Variants in AKAP14 observed in about 807,000 individuals in gnomAD.
The protein encoded by AKAP14 is A-kinase anchor protein 14.
In AKAP14, 4 loss-of-function variants were observed where a neutral mutation model predicts 17.0. The ratio of observed to expected loss-of-function variants is 0.23; its 90% CI spans 0.12 to 0.54. The LOEUF (loss-of-function observed/expected upper bound fraction) is 0.54, where lower values mean the gene tolerates loss of function less well. Ranked by LOEUF, AKAP14 falls within the 20% of genes least tolerant of loss-of-function variation. The pLI, the probability that AKAP14 is intolerant of heterozygous loss-of-function variation, is 0.95. For synonymous variants in AKAP14, 42 were observed against 51.3 expected (o/e 0.82, Z 0.77); for missense variants, 129 against 150.9 (o/e 0.85, Z 0.76).
intron 5 of AKAP14, among the ~76,000 whole-genome samples, chrX:119,916,502 T>C (rs1342767733): frequency 1.8e-5 from 2 of 108,973 alleles, no homozygotes; most frequent in Non-Finnish European, 3.8e-5. Context: ...TATATCTATC[T>C]ACTTATTGAG....
intron 2 of AKAP14, among the ~76,000 whole-genome samples, chrX:119,898,126 G>A (rs913296229): frequency 1.8e-5 from 2 of 111,681 alleles, no homozygotes; most frequent in East Asian, 2.8e-4. Flanking sequence ...TTGCGCCACC[G>A]CACTCCAGCC....
chrX:119,920,264 C>T (rs1192882417), intron 6 of AKAP14, among the ~76,000 whole-genome samples: 1 of 110,785 alleles, frequency 9.0e-6, no homozygotes, highest in Non-Finnish European at 1.9e-5. Context: ...TATAATAATC[C>T]CTTTTATAGC....
Position 119,903,233 on chromosome X carries a change from A to G in AKAP14, c.10A>G (p.Thr4Ala). ...CCCCAGGAAAAAGAAAATGAGTGAGACTCAAAATTCAACAAGCCAGAAAGC... is the reference window on the plus strand; with the variant it reads ...CCCCAGGAAAAAGAAAATGAGTGAGGCTCAAAATTCAACAAGCCAGAAAGC... MSE[T>A]QNSTSQKAMD... Residue 4 changes from threonine to alanine, a missense_variant, in exon 3 of 7, where the codon ACT becomes GCT. Thr to Ala is a moderately conservative substitution (Grantham distance 58, BLOSUM62 0). Coordinates refer to ENST00000371431, the MANE Select transcript of AKAP14 (RefSeq NM_178813.6). 2 of 1,209,785 alleles carry G rather than the reference A, an allele frequency of 1.7e-6. No homozygotes were observed. Among genetic ancestry groups the G allele is most frequent in the Non-Finnish European group, 2.2e-6 (2 of 894,973 alleles).
At chrX:119,920,341 T>G (rs1219562087) in intron 6 of AKAP14, among the ~76,000 whole-genome samples, 167 bp from the exon 7 acceptor site, 1 of 111,035 alleles carries the variant, frequency 9.0e-6, no homozygotes, top group Non-Finnish European at 1.9e-5. Flanking sequence ...TAAGAAACAG[T>G]AAAGGATAGA....
In AKAP14 at chrX:119,912,119, C is replaced by T. The variant is rs769331318; in HGVS notation, c.262-2580C>T. On this transcript the variant is annotated intron_variant, in intron 4 of 6. Coordinates refer to ENST00000371431, the MANE Select transcript of AKAP14 (RefSeq NM_178813.6). The stretch of plus-strand genomic sequence containing the variant: ...CTCATTTTTGCATTTTTAGTAGAGA[C>T]GGGGTTTCACCATGTTGGCCGAGCT... 8.2e-5 allele frequency among the ~76,000 whole-genome samples: 9 copies of T among 109,460 alleles called. No individual in the cohort carries two copies. In the East Asian group the frequency reaches 2.6e-3, roughly 32 times the overall value.
chrX:119,918,863 C>T (rs2056673184), intron 5 of AKAP14, among the ~76,000 whole-genome samples: 1 of 112,058 alleles, frequency 8.9e-6, no homozygotes, highest in Non-Finnish European at 1.9e-5. Flanking sequence ...AAGTTATTTG[C>T]ACCTTGGCCT....
rs140846042 is a variant in AKAP14 at position 119,918,042 on chromosome X, C to G, written c.442-1869C>G. Among the ~76,000 whole-genome samples the G allele has an allele frequency of 1.1e-3, 128 of 111,746 alleles. 2 individuals are homozygous for G. The East Asian group carries it at 0.032, about 28-fold the overall frequency. On this transcript the variant is annotated intron_variant, in intron 5 of 6. Coordinates refer to ENST00000371431, the MANE Select transcript of AKAP14 (RefSeq NM_178813.6). ...CTCACTGTGCTCTGGCCATTCTGAT[C>G]TTGCTTCTCCTCAAATAAGTCAGGT...
chrX:119,917,144 T>A (rs1228769588), intron 5 of AKAP14, among the ~76,000 whole-genome samples: 1 of 104,667 alleles, frequency 9.6e-6, no homozygotes, highest in African/African-American at 3.5e-5. Context: ...AAATAAAAAT[T>A]AAAAAAAAAT....
At chrX:119,908,330 T>C (rs777576622) in intron 4 of AKAP14, among the ~76,000 whole-genome samples, 1 of 108,314 alleles carries the variant, frequency 9.2e-6, no homozygotes, top group South Asian at 4.0e-4. Context: ...GGTATAGTTG[T>C]GGGGAGGGAA....
Position 119,903,550 on chromosome X carries a change from G to A in AKAP14, c.225G>A (p.Val75=). 5 of 1,211,673 alleles carry A rather than the reference G, an allele frequency of 4.1e-6. No individual in the cohort carries two copies. The highest frequency in any genetic ancestry group is 5.6e-6 in the Non-Finnish European group (5 of 895,474). Reference sequence around the variant, plus strand: ...GGATGACTCACGGTGAATTCACTGTGGAAAAGGGTCTTAAACAAATTGACG... The same window carrying A: ...GGATGACTCACGGTGAATTCACTGTAGAAAAGGGTCTTAAACAAATTGACG... ...IKWMTHGEFT[V]EKGLKQIDEY... Residue 75 remains valine, a synonymous_variant, in exon 4 of 7, where the codon GTG becomes GTA. Transcript: ENST00000371431.
rs780362246 is a variant in AKAP14, at chrX:119,904,698, T to C, written c.261+1112T>C. Among the ~76,000 whole-genome samples, 8 of 111,074 alleles carry C rather than the reference T, an allele frequency of 7.2e-5. No individual in the cohort carries two copies. The South Asian group carries it at 2.7e-3, about 37-fold the overall frequency. ...AGGAGTTCAAGTCCAGCCTGGCCAA[T>C]ATGGTGAAACCCCGTCTCTATTAAA... On this transcript the variant is annotated intron_variant, in intron 4 of 6. Transcript: ENST00000371431.
chrX:119,900,384 A>T (rs940848605), intron 2 of AKAP14, among the ~76,000 whole-genome samples: 1 of 110,273 alleles, frequency 9.1e-6, no homozygotes, highest in African/African-American at 3.3e-5. Context: ...TGAGCCACCA[A>T]ACCTGGCCCA....
At chrX:119,902,671 G>A (rs2056573262) in intron 2 of AKAP14, among the ~76,000 whole-genome samples, 1 of 111,736 alleles carries the variant, frequency 8.9e-6, no homozygotes, top group African/African-American at 3.2e-5. Context: ...TTTGATTTAA[G>A]TCATTATGGT....
chrX:119,905,313 G>A (rs1466744293), intron 4 of AKAP14, among the ~76,000 whole-genome samples: 1 of 112,145 alleles, frequency 8.9e-6, no homozygotes, highest in Non-Finnish European at 1.9e-5. Context: ...TTCTCATTAG[G>A]AGGGGTATCT....
At chrX:119,906,232 T>C (rs1209953043) in intron 4 of AKAP14, among the ~76,000 whole-genome samples, 3 of 81,468 alleles carry the variant, frequency 3.7e-5, no homozygotes, top group Non-Finnish European at 4.7e-5. Flanking sequence ...TTTCTTTTTT[T>C]TTTTTTTTTT....
intron 2 of AKAP14, among the ~76,000 whole-genome samples, chrX:119,902,937 C>T (rs1466977758): frequency 2.7e-5 from 3 of 111,472 alleles, no homozygotes; most frequent in African/African-American, 9.8e-5. Flanking sequence ...GTGATCCGCC[C>T]GCCTCGGGCT....
At chrX:119,897,101 C>T (rs1390882120) in intron 2 of AKAP14, among the ~76,000 whole-genome samples, 3 of 110,034 alleles carry the variant, frequency 2.7e-5, no homozygotes, top group Non-Finnish European at 5.7e-5. Flanking sequence ...TGAGCCACCG[C>T]GCCCGGCCCC....
intron 6 of AKAP14, 39 bp from the exon 7 acceptor site, chrX:119,920,468 TA>T (rs2056682948): frequency 9.3e-7 from 1 of 1,078,564 alleles, no homozygotes. Context: ...GCTTTTGATT[TA>T]AAAATACTTT....
chrX:119,903,122 T>C (rs1448451130), intron 2 of AKAP14, 92 bp from the exon 3 acceptor site: 2 of 924,303 alleles, frequency 2.2e-6, no homozygotes, highest in African/African-American at 3.9e-5. Flanking sequence ...TTCCTGTCTC[T>C]TGTGATTCTT....
Sources: allele counts gnomAD v4.1 joint callset (sites outside exome capture counted in the v4.1 genomes callset), GRCh38; gene constraint gnomAD v4.1.1; transcripts MANE v1.5; gene names NCBI Gene and HGNC (gene_info 2026-07-23, HGNC 2026-07-21).